The following RNF213 variants were observed in gnomAD, a reference collection of about 807,000 sequenced individuals.
The protein encoded by RNF213 is E3 ubiquitin-protein ligase RNF213.
A neutral mutation model predicts 514.4 loss-of-function variants in RNF213; 341 were observed. The ratio of observed to expected loss-of-function variants is 0.66; its 90% CI spans 0.61 to 0.73. The LOEUF is 0.73. RNF213 is among the 30% of genes least tolerant of loss of function. The probability of loss-of-function intolerance (pLI) is 0.00; values close to 1 mark genes in which losing one functional copy is unlikely to be tolerated. For missense variants in RNF213, 5,767 were observed against 6,615.6 expected, an observed-to-expected ratio of 0.87 and a Z score of 4.45; for synonymous variants, 2,655 against 2,658.2, an observed-to-expected ratio of 1.00 and a Z score of 0.04.
In RNF213 at chr17:80,386,444, C is replaced by T; in HGVS notation, c.14720+14C>T. ...GGAAAACAACAGGTTTGTGCACGAG[C>T]CACCAGGAAGTGGTGCCTGCTCAGC... On this transcript the variant is annotated intron_variant, in intron 62 of 67. Transcript: ENST00000582970. 6.2e-7 allele frequency: 1 copy of T among 1,613,696 alleles called. No individual in the cohort carries two copies. Among genetic ancestry groups the T allele is most frequent in the Non-Finnish European group, 8.5e-7 (1 of 1,179,766 alleles).
At chr17:80,367,615 C>CA in intron 42 of RNF213, 133 bp from the exon 43 acceptor site, 1 of 694,574 alleles carries the variant, frequency 1.4e-6, no homozygotes, top group Non-Finnish European at 2.6e-6. Flanking sequence ...CACAGGATCA[C>CA]AAAGGCCTCG....
chr17:80,338,094 A>G (rs1312938654), intron 25 of RNF213, 97 bp downstream of exon 25: 1 of 1,418,206 alleles, frequency 7.1e-7, no homozygotes, highest in African/African-American at 1.4e-5. Context: ...TTGACTTGGG[A>G]TTTGACTGAT....
intron 3 of RNF213, among the ~76,000 whole-genome samples, chr17:80,275,100 G>T (rs1462142603): frequency 6.9e-6 from 1 of 145,062 alleles, no homozygotes; most frequent in Non-Finnish European, 1.5e-5. Context: ...GGGTGTGTGT[G>T]TGTTGGGTGT....
At chr17:80,326,557 C>T (rs559132837) in intron 18 of RNF213, among the ~76,000 whole-genome samples, 5 of 152,294 alleles carry the variant, frequency 3.3e-5, no homozygotes, top group African/African-American at 9.6e-5. Flanking sequence ...ATTCCAGTAT[C>T]GTGCAGAATA....
intron 3 of RNF213, among the ~76,000 whole-genome samples, chr17:80,276,570 C>T (rs1221963409): frequency 2.6e-5 from 4 of 151,934 alleles, no homozygotes; most frequent in African/African-American, 9.7e-5. Context: ...AGAGGCCAGG[C>T]GCGGTGGCTC....
intron 3 of RNF213, chr17:80,278,900 A>G: frequency 6.5e-7 from 1 of 1,537,138 alleles, no homozygotes; most frequent in Non-Finnish European, 8.7e-7. Context: ...CCTTCTGCAG[A>G]CTGTGAGCAG....
rs1362737153 is a variant in RNF213 at position 80,263,635 on chromosome 17, AC to A, written c.-46del. 1.3e-5 allele frequency: 19 copies of A among 1,484,786 alleles called. No homozygotes were observed. Among genetic ancestry groups the A allele is most frequent in the Non-Finnish European group, 1.7e-5 (18 of 1,063,296 alleles). The allele number at this position is 1,484,786 out of a possible 1,614,324, so 92.0% of individuals were successfully genotyped here. A position where few individuals can be genotyped will look rare whatever the true frequency, so the allele number is the denominator to read the frequency against. On this transcript the variant is annotated 5_prime_UTR_variant, in exon 2 of 68. Transcript: ENST00000582970. The surrounding 1 kb of genome is among the most constrained non-coding windows in gnomAD (Gnocchi z 4.9). The stretch of plus-strand genomic sequence containing the variant: ...TGTAGTATATAGCAGGCTGCCAGCG[AC>A]TCCTGCTCTTGCTTCTGGATCTGCA...
intron 3 of RNF213, among the ~76,000 whole-genome samples, chr17:80,275,881 C>G (rs1347755843): frequency 6.6e-6 from 1 of 151,188 alleles, no homozygotes; most frequent in Non-Finnish European, 1.5e-5. Context: ...CCAGGATGGT[C>G]TCGATCTCCT....
intron 51 of RNF213, 150 bp downstream of exon 51, chr17:80,376,020 C>A: frequency 1.3e-6 from 1 of 761,832 alleles, no homozygotes; most frequent in Non-Finnish European, 2.3e-6. Context: ...AACACATAAC[C>A]AAGCTGTTTA....
Position 80,307,176 on chromosome 17 carries a change from C to A in RNF213, c.2476C>A (p.Arg826=), listed in dbSNP as rs765236391. ...NVQNILEMLL[R]LLDTYRDKIP... The stretch of plus-strand genomic sequence containing the variant: ...TCAGAACATTTTAGAAATGCTGTTG[C>A]GACTCCTGGACACTTACCGGGACAA... The change falls in exon 13 of 68, where the codon CGA becomes AGA. Residue 826 remains arginine (R), a synonymous_variant. Coordinates refer to ENST00000582970, the MANE Select transcript of RNF213 (RefSeq NM_001256071.3). The A allele has an allele frequency of 2.5e-6, 4 of 1,613,590 alleles. No homozygotes were observed. Among genetic ancestry groups the A allele is most frequent in the East Asian group, 4.5e-5 (2 of 44,866 alleles).
chr17:80,359,034 C>T (rs543281393), intron 37 of RNF213, among the ~76,000 whole-genome samples: 87 of 152,280 alleles, frequency 5.7e-4, no homozygotes, highest in African/African-American at 1.9e-3. Context: ...GGAGACAGTG[C>T]GCTGCGAACA....
chr17:80,374,617 A>T, intron 50 of RNF213, 28 bp downstream of exon 50: 1 of 1,613,420 alleles, frequency 6.2e-7, no homozygotes, highest in South Asian at 1.1e-5. Flanking sequence ...CTTCTCTCTG[A>T]TACCAGGTGG....
Position 80,332,396 on chromosome 17 carries a change from T to C in RNF213, c.3908T>C (p.Ile1303Thr), listed in dbSNP as rs1287217846. ...TCAGGAGAGGTCACCCTTGCAGAGA[T>C]TGATGTCATCTTCAAGGACTTTGTG... is the stretch of plus-strand genomic sequence containing the variant. ...LKSGEVTLAE[I>T]DVIFKDFVNK... is the part of the protein sequence containing the mutation. The change falls in exon 21 of 68, where the codon ATT (isoleucine) becomes ACT (threonine). Residue 1303 changes from isoleucine to threonine, a missense_variant. Ile to Thr is a moderately conservative substitution (Grantham distance 89). Around this residue, in one of 13 missense-constraint regions of RNF213, gnomAD observed 516 missense variants for 566.5 expected, o/e 0.91. Coordinates refer to ENST00000582970, the MANE Select transcript of RNF213 (RefSeq NM_001256071.3). 2.0e-6 allele frequency: 3 copies of C among 1,537,060 alleles called. No individual in the cohort carries two copies. Among genetic ancestry groups the C allele is most frequent in the Non-Finnish European group, 1.7e-6 (2 of 1,146,914 alleles).
Position 80,363,746 on chromosome 17 carries a change from G to C in RNF213, c.11706G>C (p.Met3902Ile), listed in dbSNP as rs771608211. The change falls in exon 41 of 68, where the codon ATG (methionine) becomes ATC (isoleucine). Residue 3902 changes from methionine to isoleucine, a missense_variant. Met to Ile is a conservative substitution (Grantham distance 10, BLOSUM62 1). This residue lies in a region of RNF213 where 355 missense variants were observed against 358.0 expected (regional missense o/e 0.99). Coordinates refer to ENST00000582970, the MANE Select transcript of RNF213 (RefSeq NM_001256071.3). ...AGCTCATCTGCTCCGATGAGCACAT[G>C]CAAGGCAGCGGGAGCCTGGCCCAGG... ...PLELICSDEH[M>I]QGSGSLAQAV... 1.9e-6 allele frequency: 3 copies of C among 1,613,856 alleles called. No homozygotes were observed. Among genetic ancestry groups the C allele is most frequent in the Non-Finnish European group, 1.7e-6 (2 of 1,180,026 alleles).
chr17:80,331,631 C>T (rs933518595), intron 20 of RNF213, among the ~76,000 whole-genome samples: 5 of 152,134 alleles, frequency 3.3e-5, no homozygotes, highest in East Asian at 1.9e-4. Context: ...TCAGGTGATC[C>T]GCCCATCTCA....
At chr17:80,303,318 G>T (rs1278811804) in intron 11 of RNF213, among the ~76,000 whole-genome samples, 3 of 152,196 alleles carry the variant, frequency 2.0e-5, no homozygotes, top group African/African-American at 7.2e-5. Flanking sequence ...TCTGGGCCTT[G>T]CAGTGAGAAC....
intron 50 of RNF213, among the ~76,000 whole-genome samples, chr17:80,375,519 G>GTGAA (rs1476480599): frequency 1.4e-4 from 21 of 148,780 alleles, no homozygotes; most frequent in Non-Finnish European, 1.5e-5. Flanking sequence ...GGCAAACATG[G>GTGAA]TGAAACCCCG....
At chr17:80,350,768 C>T (rs1309949362) in intron 31 of RNF213, among the ~76,000 whole-genome samples, 5 of 152,188 alleles carry the variant, frequency 3.3e-5, no homozygotes, top group South Asian at 2.1e-4. Flanking sequence ...CACTGCAGTC[C>T]AGCCTAGGGG....
intron 29 of RNF213, among the ~76,000 whole-genome samples, chr17:80,349,329 G>A (rs916042775): frequency 6.6e-6 from 1 of 152,158 alleles, no homozygotes; most frequent in Non-Finnish European, 1.5e-5. Flanking sequence ...GGAACGTTTC[G>A]ACTTGCACTG....
Sources: allele counts gnomAD v4.1 joint callset (sites outside exome capture counted in the v4.1 genomes callset), GRCh38; gene constraint gnomAD v4.1.1; regional missense constraint gnomAD v4.1.1; non-coding constraint Gnocchi (gnomAD v3.1); transcripts MANE v1.5; gene names NCBI Gene and HGNC (gene_info 2026-07-23, HGNC 2026-07-21).